The following PACRG variants were observed in gnomAD, a reference collection of about 807,000 sequenced individuals.
PACRG encodes parkin coregulated gene protein.
A neutral mutation model predicts 29.7 loss-of-function variants in PACRG; 29 were observed. The observed-to-expected ratio is 0.98, with a 90% CI of 0.73 to 1.33. The LOEUF (loss-of-function observed/expected upper bound fraction) is 1.33, where lower values mean the gene tolerates loss of function less well. Among genes scored for constraint, PACRG ranks in the 40% most tolerant of loss-of-function variants. The pLI is 0.00. For synonymous variants in PACRG, 116 were observed against 118.7 expected (o/e 0.98, Z 0.15); for missense variants, 279 against 316.2 (o/e 0.88, Z 0.89).
chr6:163,298,004 G>A (rs987447764), intron 4 of PACRG, among the ~76,000 whole-genome samples: 2 of 152,098 alleles, frequency 1.3e-5, no homozygotes, highest in African/African-American at 2.4e-5. Flanking sequence ...GGTGGCCCGG[G>A]ATACCTGGGC....
intron 4 of PACRG, among the ~76,000 whole-genome samples, chr6:163,243,293 G>T (rs1271576810): frequency 1.3e-5 from 2 of 152,238 alleles, no homozygotes; most frequent in Non-Finnish European, 2.9e-5. Context: ...GAGGACAGAA[G>T]TTCCACGGGG....
Position 163,005,875 on chromosome 6 carries a change from G to A in PACRG, c.292-56275G>A, listed in dbSNP as rs574482684. Among the ~76,000 whole-genome samples the A allele has an allele frequency of 3.2e-3, 473 of 146,378 alleles. 2 individuals are homozygous for A. The highest frequency in any genetic ancestry group is 7.5e-3 in the Admixed American group (109 of 14,518). The stretch of plus-strand genomic sequence containing the variant: ...TTATATATATACAACATAGTTATAC[G>A]TGTTATATATATACAACGTAGTTAT... On this transcript the variant is annotated intron_variant, in intron 2 of 4. Transcript: ENST00000366888.
intron 4 of PACRG, among the ~76,000 whole-genome samples, chr6:163,247,426 C>A (rs1319106791): frequency 6.6e-6 from 1 of 152,032 alleles, no homozygotes; most frequent in Non-Finnish European, 1.5e-5. Flanking sequence ...TTAAGAATTG[C>A]AATGTGCTTT....
intron 1 of PACRG, among the ~76,000 whole-genome samples, chr6:162,784,698 A>G (rs1320487680): frequency 6.6e-6 from 1 of 152,162 alleles, no homozygotes; most frequent in Non-Finnish European, 1.5e-5. Context: ...AAATATTGAT[A>G]TTCTATGAAA....
At chr6:163,197,236 G>T (rs536672983) in intron 4 of PACRG, among the ~76,000 whole-genome samples, 2 of 152,184 alleles carry the variant, frequency 1.3e-5, no homozygotes, top group African/African-American at 4.8e-5. Context: ...TCCGTTAGTA[G>T]TAATCACAGC....
intron 1 of PACRG, among the ~76,000 whole-genome samples, chr6:162,787,590 A>ATATC (rs1784600980): frequency 1.7e-5 from 2 of 115,964 alleles, no homozygotes; most frequent in Non-Finnish European, 1.8e-5. Context: ...GTGTATATAT[A>ATATC]TATATATATA....
At chr6:162,731,541 A>G (rs375180778) in intron 1 of PACRG, among the ~76,000 whole-genome samples, 1 of 152,042 alleles carries the variant, frequency 6.6e-6, no homozygotes, top group South Asian at 2.1e-4. Context: ...ATACTACGCC[A>G]TGTTATATCA....
At chr6:162,809,798 A>C (rs184062964) in intron 1 of PACRG, among the ~76,000 whole-genome samples, 2 of 152,300 alleles carry the variant, frequency 1.3e-5, no homozygotes, top group Admixed American at 1.3e-4. Flanking sequence ...AAGGGTGGTT[A>C]GTGGATGATT....
chr6:163,216,089 AAATGTAGACTTTTCCCTCTTTTCTGTG>A (rs1781350541), intron 4 of PACRG, among the ~76,000 whole-genome samples: 1 of 152,232 alleles, frequency 6.6e-6, no homozygotes, highest in East Asian at 1.9e-4. Flanking sequence ...TGAACACATG[AAATGTAGACTTTTCCCTCTTTTCTGTG>A]TCCAGAGGAC....
intron 4 of PACRG, among the ~76,000 whole-genome samples, chr6:163,100,182 T>A (rs901946110): frequency 3.9e-5 from 6 of 151,980 alleles, no homozygotes; most frequent in Non-Finnish European, 8.8e-5. Context: ...TGCAGGGACC[T>A]GTGTCCAGCC....
rs376521730 is a variant in PACRG at position 162,947,359 on chromosome 6, A to ATGAT, written c.292-114791_292-114790insTGAT. ...ATATATATAATGATTACATATATAT[A>ATGAT]ATGTAATCATATATAATCATATATA... On this transcript the variant is annotated intron_variant, in intron 2 of 4. Coordinates refer to ENST00000366888, the MANE Select transcript of PACRG (RefSeq NM_001080379.2). Among the ~76,000 whole-genome samples the ATGAT allele has an allele frequency of 4.1e-4, 15 of 36,700 alleles. 4 individuals carry two copies. Among genetic ancestry groups the ATGAT allele is most frequent in the East Asian group, 2.7e-3 (5 of 1,832 alleles). The allele number at this position is 36,700 out of a possible 152,430, so 24.1% of individuals were successfully genotyped here.
chr6:163,030,531 C>A (rs7743324), intron 2 of PACRG, among the ~76,000 whole-genome samples: 41,769 of 151,952 alleles, frequency 0.27, 6,665 homozygotes, highest in East Asian at 0.68. Context: ...GGTCCCCTTC[C>A]AGACCCCAAG....
At chr6:163,133,974 T>C (rs1170130686) in intron 4 of PACRG, among the ~76,000 whole-genome samples, 1 of 152,230 alleles carries the variant, frequency 6.6e-6, no homozygotes, top group Non-Finnish European at 1.5e-5. Flanking sequence ...CTTATATATG[T>C]GCATATACAC....
intron 1 of PACRG, among the ~76,000 whole-genome samples, chr6:162,812,531 G>A (rs968728585): frequency 6.6e-6 from 1 of 151,764 alleles, no homozygotes; most frequent in East Asian, 1.9e-4. Context: ...TTAAAATGGT[G>A]CCATATTGGT....
Position 163,314,978 on chromosome 6 carries a change from G to A in PACRG, c.765G>A (p.Leu255=), listed in dbSNP as rs1306796320. ...TGGTCCCAACCTACGAGTCTTGCTT[G>A]CTAAACTAACAGTGGCAGCAGCTGG... ...KYVVPTYESC[L]LN Residue 255 remains leucine (L), a synonymous_variant, in exon 5 of 5, where the codon TTG becomes TTA. Coordinates refer to ENST00000366888, the MANE Select transcript of PACRG (RefSeq NM_001080379.2). The A allele has an allele frequency of 1.2e-6, 2 of 1,613,212 alleles. No individual in the cohort carries two copies. Among genetic ancestry groups the A allele is most frequent in the African/African-American group, 2.7e-5 (2 of 74,914 alleles).
At chr6:163,203,052 C>G (rs564606298) in intron 4 of PACRG, among the ~76,000 whole-genome samples, 1 of 152,094 alleles carries the variant, frequency 6.6e-6, no homozygotes, top group Non-Finnish European at 1.5e-5. Flanking sequence ...ATAGGTACAT[C>G]GGGCCGTTCC....
intron 4 of PACRG, among the ~76,000 whole-genome samples, chr6:163,124,144 G>A (rs972947000): frequency 1.3e-5 from 2 of 152,156 alleles, no homozygotes; most frequent in African/African-American, 4.8e-5. Context: ...TGTTTTTTGG[G>A]AGTTTTCACT....
At chr6:162,875,054 C>T (rs1793186880) in intron 2 of PACRG, among the ~76,000 whole-genome samples, 1 of 152,194 alleles carries the variant, frequency 6.6e-6, no homozygotes, top group Admixed American at 6.5e-5. Flanking sequence ...CTTTCACACT[C>T]ACACATGCAT....
intron 2 of PACRG, among the ~76,000 whole-genome samples, chr6:162,914,257 A>G (rs1040168604): frequency 3.3e-5 from 5 of 151,998 alleles, no homozygotes; most frequent in South Asian, 2.1e-4. Context: ...TAAATTGTCT[A>G]TTTTTTTCCA....
Sources: allele counts gnomAD v4.1 joint callset (sites outside exome capture counted in the v4.1 genomes callset), GRCh38; gene constraint gnomAD v4.1.1; transcripts MANE v1.5; gene names NCBI Gene and HGNC (gene_info 2026-07-23, HGNC 2026-07-21).